The following NELL2 variants were observed in gnomAD, a reference collection of about 807,000 sequenced individuals.
NELL2 encodes the protein neural EGFL like 2.
In NELL2, 41 loss-of-function variants were observed where a neutral mutation model predicts 109.6. That is an observed-to-expected ratio of 0.37 (90% CI 0.29 to 0.49). NELL2 has a LOEUF of 0.49. NELL2 is among the 20% of genes least tolerant of loss of function. NELL2 has a pLI of 0.98. For missense variants in NELL2, 900 were observed against 1,008.3 expected (o/e 0.89, Z 1.45); for synonymous variants, 355 against 344.7 (o/e 1.03, Z -0.33).
At chr12:44,798,946 C>CTTTTTTTTT (rs1157006162) in intron 3 of NELL2, among the ~76,000 whole-genome samples, 2 of 77,434 alleles carry the variant, frequency 2.6e-5, no homozygotes, top group Non-Finnish European at 4.6e-5. Flanking sequence ...ATGATTTCCA[C>CTTTTTTTTT]TTTTTTTTTT....
At chr12:44,641,071 C>T (rs368507366) in intron 13 of NELL2, among the ~76,000 whole-genome samples, 20 of 152,062 alleles carry the variant, frequency 1.3e-4, no homozygotes, top group Admixed American at 3.3e-4. Context: ...AAGCCCTCAC[C>T]GCTAGTTAAA....
At chr12:44,612,226 T>C (rs10506253) in intron 13 of NELL2, among the ~76,000 whole-genome samples, 17,885 of 152,014 alleles carry the variant, frequency 0.12, 1,237 homozygotes, top group East Asian at 0.2. Context: ...CTTCAACTAC[T>C]AAAATAAAAT....
At chr12:44,651,087 T>C (rs955074198) in intron 13 of NELL2, among the ~76,000 whole-genome samples, 1 of 152,174 alleles carries the variant, frequency 6.6e-6, no homozygotes, top group African/African-American at 2.4e-5. Flanking sequence ...ATGAACCCTA[T>C]TATGAACTGC....
intron 15 of NELL2, among the ~76,000 whole-genome samples, chr12:44,553,013 G>T (rs942518270): frequency 6.7e-6 from 1 of 149,188 alleles, no homozygotes; most frequent in Non-Finnish European, 1.5e-5. Flanking sequence ...GTAAACTATC[G>T]CAAGAACAAA....
chr12:44,920,630 T>C (rs548925315), intron 1 of NELL2, among the ~76,000 whole-genome samples: 16 of 152,366 alleles, frequency 1.1e-4, no homozygotes, highest in Middle Eastern at 6.8e-3. Flanking sequence ...AGGCTTGTGA[T>C]GCACATATCA....
chr12:44,677,459 T>G (rs1253055322), intron 12 of NELL2, among the ~76,000 whole-genome samples: 2 of 152,146 alleles, frequency 1.3e-5, no homozygotes, highest in Non-Finnish European at 2.9e-5. Flanking sequence ...CAATTTCTTC[T>G]GCAATTTCCA....
chr12:44,729,397 A>T (rs1382931908), intron 9 of NELL2, among the ~76,000 whole-genome samples: 3 of 152,078 alleles, frequency 2.0e-5, no homozygotes, highest in Admixed American at 1.3e-4. Context: ...CACACACACA[A>T]AAATCAAGGA....
intron 19 of NELL2, among the ~76,000 whole-genome samples, chr12:44,516,958 A>G (rs1046207085): frequency 6.9e-6 from 1 of 145,134 alleles, no homozygotes; most frequent in African/African-American, 2.6e-5. Context: ...CTTTTCTTTC[A>G]GGTATATTTT....
intron 15 of NELL2, among the ~76,000 whole-genome samples, chr12:44,564,488 G>A (rs912848006): frequency 5.9e-5 from 9 of 152,230 alleles, no homozygotes; most frequent in South Asian, 2.1e-4. Context: ...GAAATCATGC[G>A]TGTGAAAGCA....
chr12:44,663,348 C>T (rs1031843098), intron 13 of NELL2, among the ~76,000 whole-genome samples: 1 of 151,984 alleles, frequency 6.6e-6, no homozygotes, highest in African/African-American at 2.4e-5. Context: ...TGTTCATAGA[C>T]CTAGTCATAA....
intron 9 of NELL2, among the ~76,000 whole-genome samples, chr12:44,753,587 G>T (rs2136532154): frequency 1.3e-5 from 2 of 152,248 alleles, no homozygotes; most frequent in South Asian, 4.1e-4. Context: ...CTAGGACTTG[G>T]CTGTGTTGAC....
intron 12 of NELL2, among the ~76,000 whole-genome samples, chr12:44,703,020 T>A (rs1471232014): frequency 6.6e-6 from 1 of 152,170 alleles, no homozygotes; most frequent in African/African-American, 2.4e-5. Context: ...AAATCAATGT[T>A]CTTATTTGTA....
At chr12:44,886,213 C>A (rs933524513) in intron 1 of NELL2, among the ~76,000 whole-genome samples, 1 of 151,678 alleles carries the variant, frequency 6.6e-6, no homozygotes, top group Admixed American at 6.6e-5. Flanking sequence ...GGATTATAAG[C>A]TTATGTGTAA....
rs563769057 is a variant in NELL2 at position 44,648,900 on chromosome 12, TTGTGTGTGTGTG to T, written c.1444+16572_1444+16583del. On this transcript the variant is annotated intron_variant, in intron 13 of 19. Transcript: ENST00000429094. ...ACAGGCGCATGCCACCACGCCCAGC[TTGTGTGTGTGTG>T]TGTGTGTGTGTGTGTGTGTGTGTGT... Among the ~76,000 whole-genome samples the T allele has an allele frequency of 3.1e-3, 331 of 107,164 alleles. 2 individuals are homozygous for T. The highest frequency in any genetic ancestry group is 8.4e-3 in the African/African-American group (217 of 25,960). The allele number at this position is 107,164 out of a possible 152,430, so 70.3% of individuals were successfully genotyped here.
At chr12:44,747,154 A>T (rs960920517) in intron 9 of NELL2, among the ~76,000 whole-genome samples, 1 of 152,228 alleles carries the variant, frequency 6.6e-6, no homozygotes, top group Non-Finnish European at 1.5e-5. Flanking sequence ...TTGTGGGGAC[A>T]TGGATGAAAC....
At chr12:44,530,824 C>A (rs1232966624) in intron 16 of NELL2, among the ~76,000 whole-genome samples, 1 of 152,190 alleles carries the variant, frequency 6.6e-6, no homozygotes, top group Non-Finnish European at 1.5e-5. Context: ...AGAGCACAGT[C>A]CTGGCCAAGA....
At chr12:44,724,414 A>T (rs1044832336) in intron 9 of NELL2, among the ~76,000 whole-genome samples, 1 of 152,052 alleles carries the variant, frequency 6.6e-6, no homozygotes. Flanking sequence ...AATTTGCAGG[A>T]TACAAAATCA....
intron 13 of NELL2, among the ~76,000 whole-genome samples, chr12:44,659,944 G>C (rs1302396227): frequency 6.6e-6 from 1 of 152,170 alleles, no homozygotes; most frequent in East Asian, 1.9e-4. Context: ...CACCAGGATA[G>C]TGTAATTTGA....
intron 2 of NELL2, among the ~76,000 whole-genome samples, chr12:44,869,748 C>T (rs1945110825): frequency 1.3e-5 from 2 of 152,136 alleles, no homozygotes; most frequent in African/African-American, 2.4e-5. Context: ...TTCTGAGGCA[C>T]TAGCAAAATA....
Sources: gnomAD v4.1 joint callset for allele counts (sites outside exome capture counted in the v4.1 genomes callset) on GRCh38, gnomAD v4.1.1 for gene constraint, MANE v1.5 for transcripts, NCBI Gene and HGNC (gene_info 2026-07-23, HGNC 2026-07-21) for gene names.